ALK: variants seen among roughly 807,000 people sequenced by gnomAD.
ALK encodes the protein ALK receptor tyrosine kinase.
In ALK, 74 loss-of-function variants were observed where a neutral mutation model predicts 163.1. The observed-to-expected ratio is 0.45, with a 90% CI of 0.38 to 0.55. The LOEUF (loss-of-function observed/expected upper bound fraction) is 0.55. ALK is among the 20% of genes least tolerant of loss of function. ALK has a pLI of 0.00. For missense variants in ALK, 2,063 were observed against 2,105.3 expected (o/e 0.98, Z 0.39); for synonymous variants, 960 against 843.2 (o/e 1.14, Z -2.40).
chr2:29,485,600 G>A (rs1671759104), intron 4 of ALK, among the ~76,000 whole-genome samples: 1 of 152,066 alleles, frequency 6.6e-6, no homozygotes, highest in African/African-American at 2.4e-5. Context: ...TTGGTTTTTG[G>A]CTTTCTTTCT....
chr2:29,453,707 C>G (rs1304814488), intron 4 of ALK, among the ~76,000 whole-genome samples: 1 of 151,790 alleles, frequency 6.6e-6, no homozygotes, highest in African/African-American at 2.4e-5. Context: ...AAAAGAGGAG[C>G]TGATAAAGGA....
intron 4 of ALK, among the ~76,000 whole-genome samples, chr2:29,446,626 C>T (rs1160163827): frequency 6.6e-6 from 1 of 152,198 alleles, no homozygotes; most frequent in Non-Finnish European, 1.5e-5. Context: ...GATCTCCAAG[C>T]TGAGCTGCTA....
At chr2:29,753,737 G>C (rs1680438097) in intron 1 of ALK, among the ~76,000 whole-genome samples, 1 of 152,180 alleles carries the variant, frequency 6.6e-6, no homozygotes, top group Admixed American at 6.5e-5. Context: ...ATTTCCCAAA[G>C]TTTAAACTCG....
chr2:29,413,991 T>C (rs943036437), intron 4 of ALK, among the ~76,000 whole-genome samples: 3 of 152,250 alleles, frequency 2.0e-5, no homozygotes, highest in Admixed American at 1.3e-4. Flanking sequence ...TCAAGTACTA[T>C]GTACTGAACA....
chr2:29,298,938 A>G (rs924680453), intron 8 of ALK, among the ~76,000 whole-genome samples: 8 of 152,148 alleles, frequency 5.3e-5, no homozygotes, highest in African/African-American at 1.9e-4. Flanking sequence ...TTTGTCTACA[A>G]ATAAGATCAA....
chr2:29,488,753 G>C (rs1473682664), intron 4 of ALK, among the ~76,000 whole-genome samples: 1 of 152,252 alleles, frequency 6.6e-6, no homozygotes, highest in Non-Finnish European at 1.5e-5. Context: ...GGGATGGGAA[G>C]TGGGAATACC....
chr2:29,902,728 G>A (rs1667449039), intron 1 of ALK, among the ~76,000 whole-genome samples: 1 of 152,148 alleles, frequency 6.6e-6, no homozygotes, highest in Admixed American at 6.5e-5. Context: ...CACCTGGAAT[G>A]CTATTCCTCT....
chr2:29,335,410 G>A (rs149056689), intron 5 of ALK, among the ~76,000 whole-genome samples: 1 of 152,300 alleles, frequency 6.6e-6, no homozygotes, highest in African/African-American at 2.4e-5. Context: ...TGGAAGGACC[G>A]TTAGTAATAT....
intron 1 of ALK, among the ~76,000 whole-genome samples, chr2:29,915,546 C>T (rs1013674896): frequency 1.3e-5 from 2 of 152,160 alleles, no homozygotes; most frequent in Non-Finnish European, 2.9e-5. Context: ...TTAATAATCA[C>T]ACTCTCCTCC....
rs1297081293 is a variant in ALK at position 29,531,944 on chromosome 2, G to T, written c.1125C>A (p.Ile375=). 1.2e-6 allele frequency: 2 copies of T among 1,614,172 alleles called. No homozygotes were observed. Among genetic ancestry groups the T allele is most frequent in the Non-Finnish European group, 1.7e-6 (2 of 1,180,028 alleles). The change falls in exon 4 of 29, where the codon ATC becomes ATA. Residue 375 remains isoleucine (I), a synonymous_variant. Coordinates refer to ENST00000389048, the MANE Select transcript of ALK (RefSeq NM_004304.5). Reference sequence around the variant, plus strand: ...GCTTCCCTGGAGTGGGCATCAGGAGGATCTCTCTTGCAGCCTCGTTGTGGG... The same window carrying T: ...GCTTCCCTGGAGTGGGCATCAGGAGTATCTCTCTTGCAGCCTCGTTGTGGG... ...LLPHNEAARE[I]LLMPTPGKHG...
At chr2:29,773,188 T>C (rs984388686) in intron 1 of ALK, among the ~76,000 whole-genome samples, 3 of 152,124 alleles carry the variant, frequency 2.0e-5, no homozygotes, top group East Asian at 3.8e-4. Flanking sequence ...TATTTGTAAA[T>C]TGTACACTAC....
chr2:29,193,840 T>G lies in ALK; in HGVS notation c.4247A>C (p.Lys1416Thr), dbSNP rs1558604110. The G allele has an allele frequency of 1.2e-6, 2 of 1,612,644 alleles. No homozygotes were observed. Among genetic ancestry groups the G allele is most frequent in the Non-Finnish European group, 1.7e-6 (2 of 1,179,374 alleles). ...GAGAGGAGGAACCCCCTCAGGGTCC[T>G]TGGGCCTCACAGGCACTTTCTCTTC... ...EEEEKVPVRP[K>T]DPEGVPPLLV... Residue 1416 changes from lysine (K) to threonine (T), a missense_variant, in exon 29 of 29, where the codon AAG becomes ACG. This residue lies in a region of ALK where 403 missense variants were observed against 366.2 expected (regional missense o/e 1.10). Coordinates refer to ENST00000389048, the MANE Select transcript of ALK (RefSeq NM_004304.5).
chr2:29,495,502 G>T (rs1299148141), intron 4 of ALK, among the ~76,000 whole-genome samples: 1 of 152,110 alleles, frequency 6.6e-6, no homozygotes, highest in Non-Finnish European at 1.5e-5. Context: ...TACTAGCCCT[G>T]GCATACTAGT....
chr2:29,396,476 C>T (rs915267590), intron 4 of ALK, among the ~76,000 whole-genome samples: 1 of 152,162 alleles, frequency 6.6e-6, no homozygotes, highest in Admixed American at 6.5e-5. Context: ...GAGTTCGAGA[C>T]CAGCCTGACC....
intron 4 of ALK, among the ~76,000 whole-genome samples, chr2:29,433,918 T>G (rs534313259): frequency 1.3e-5 from 2 of 152,322 alleles, no homozygotes; most frequent in East Asian, 1.9e-4. Flanking sequence ...CAATTAAGAC[T>G]TTCTGGATCT....
At chr2:29,584,864 A>G (rs1386262972) in intron 3 of ALK, among the ~76,000 whole-genome samples, 1 of 152,180 alleles carries the variant, frequency 6.6e-6, no homozygotes, top group African/African-American at 2.4e-5. Flanking sequence ...CATATAAAAG[A>G]TTTCTCTCTG....
chr2:29,196,749 C>T (rs376170382), intron 28 of ALK, 21 bp downstream of exon 28: 12 of 1,580,890 alleles, frequency 7.6e-6, no homozygotes, highest in African/African-American at 6.7e-5. Context: ...AAATGTTGAC[C>T]AAAGGGAGAA....
chr2:29,457,054 AAAAC>A (rs948755984), intron 4 of ALK, among the ~76,000 whole-genome samples: 13 of 152,200 alleles, frequency 8.5e-5, no homozygotes, highest in African/African-American at 3.1e-4. Context: ...GTATGCCTTA[AAAAC>A]AAACAGCTTC....
chr2:29,868,570 G>C (rs1666501519), intron 1 of ALK, among the ~76,000 whole-genome samples: 2 of 152,162 alleles, frequency 1.3e-5, no homozygotes, highest in Admixed American at 6.5e-5. Context: ...TGAGAAGGTG[G>C]TTAGTGAGGC....
Sources: allele counts gnomAD v4.1 joint callset (sites outside exome capture counted in the v4.1 genomes callset), GRCh38; gene constraint gnomAD v4.1.1; regional missense constraint gnomAD v4.1.1; transcripts MANE v1.5; gene names NCBI Gene and HGNC (gene_info 2026-07-23, HGNC 2026-07-21).